COX16: variants seen among roughly 807,000 people sequenced by gnomAD.
The protein encoded by COX16 is cytochrome c oxidase assembly protein COX16 homolog, mitochondrial.
Under a neutral mutation model 15.4 loss-of-function variants are expected in COX16, and 12 were observed. The ratio of observed to expected loss-of-function variants is 0.78; its 90% CI spans 0.50 to 1.26. COX16 has a LOEUF of 1.26. COX16 is among the 50% of genes most tolerant of loss of function. The probability of loss-of-function intolerance (pLI) is 0.00; values close to 1 mark genes in which losing one functional copy is unlikely to be tolerated. For synonymous variants in COX16, 46 were observed against 41.1 expected (o/e 1.12, Z -0.46); for missense variants, 124 against 127.6 (o/e 0.97, Z 0.14).
intron 2 of COX16, among the ~76,000 whole-genome samples, chr14:70,334,130 A>C (rs1886372793): frequency 2.0e-5 from 3 of 152,224 alleles, no homozygotes; most frequent in Admixed American, 2.0e-4. Flanking sequence ...TGATATACTA[A>C]TACTGCAATC....
chr14:70,341,907 A>C (rs1886634604), intron 2 of COX16, among the ~76,000 whole-genome samples: 1 of 152,176 alleles, frequency 6.6e-6, no homozygotes, highest in Admixed American at 6.5e-5. Flanking sequence ...TACAAAGTAG[A>C]TACTATAAAT....
chr14:70,341,468 T>C (rs1886621780), intron 2 of COX16, among the ~76,000 whole-genome samples: 1 of 152,196 alleles, frequency 6.6e-6, no homozygotes, highest in African/African-American at 2.4e-5. Context: ...ATATCAGATA[T>C]GTGCCATAAA....
At chr14:70,331,900 A>G (rs1460169751) in intron 2 of COX16, among the ~76,000 whole-genome samples, 1 of 152,200 alleles carries the variant, frequency 6.6e-6, no homozygotes, top group Non-Finnish European at 1.5e-5. Context: ...ATCCACAGTA[A>G]AAAGTCTTGC....
intron 2 of COX16, among the ~76,000 whole-genome samples, chr14:70,340,845 C>T (rs1273897457): frequency 6.6e-6 from 1 of 152,186 alleles, no homozygotes; most frequent in Non-Finnish European, 1.5e-5. Context: ...AGGCTAATGC[C>T]TTTAGAAAAC....
intron 1 of COX16, among the ~76,000 whole-genome samples, chr14:70,354,955 C>G (rs769367944): frequency 6.6e-6 from 1 of 152,064 alleles, no homozygotes; most frequent in Non-Finnish European, 1.5e-5. Context: ...CTTCTCTTAT[C>G]TACTGAAGGA....
intron 2 of COX16, among the ~76,000 whole-genome samples, chr14:70,332,349 C>A (rs1448376223): frequency 6.6e-6 from 1 of 152,208 alleles, no homozygotes; most frequent in African/African-American, 2.4e-5. Context: ...CACAGCAGAT[C>A]CTGAGGGGGC....
chr14:70,348,197 G>A (rs989985768), intron 1 of COX16, among the ~76,000 whole-genome samples: 2 of 152,128 alleles, frequency 1.3e-5, no homozygotes, highest in Admixed American at 1.3e-4. Context: ...CTTCATCCTT[G>A]AAAGCCTAAA....
At chr14:70,344,299 G>A (rs527284405) in intron 1 of COX16, among the ~76,000 whole-genome samples, 3,461 of 152,322 alleles carry the variant, frequency 0.023, 117 homozygotes, top group African/African-American at 0.078. Context: ...CTGGTCCCCA[G>A]GCAAGAAGGG....
At chr14:70,335,275 G>T (rs535147921) in intron 2 of COX16, among the ~76,000 whole-genome samples, 1 of 152,198 alleles carries the variant, frequency 6.6e-6, no homozygotes, top group East Asian at 1.9e-4. Context: ...ACCTACTTTT[G>T]GCAATGGACA....
intron 3 of COX16, among the ~76,000 whole-genome samples, 183 bp from the exon 4 acceptor site, chr14:70,326,632 A>AT (rs1886086894): frequency 6.6e-6 from 1 of 151,970 alleles, no homozygotes; most frequent in Non-Finnish European, 1.5e-5. Flanking sequence ...AGAACTTTTC[A>AT]TTTGTTACTG....
intron 2 of COX16, among the ~76,000 whole-genome samples, chr14:70,333,170 T>G (rs1240463180): frequency 6.6e-6 from 1 of 152,224 alleles, no homozygotes; most frequent in Non-Finnish European, 1.5e-5. Context: ...GTGCACAAAC[T>G]GTCACATTTC....
At chr14:70,343,541 T>C (rs751480460) in intron 1 of COX16, among the ~76,000 whole-genome samples, 42 of 152,336 alleles carry the variant, frequency 2.8e-4, no homozygotes, top group Admixed American at 6.5e-4. Flanking sequence ...CTCATTACCT[T>C]ACCAAGTGAT....
In COX16 at chr14:70,357,285, C is replaced by A. The variant is rs180919298; in HGVS notation, c.69+2234G>T. On this transcript the variant is annotated intron_variant, in intron 1 of 3. Transcript: ENST00000389912. ...GGACTCTGAAAAGCTCAAATATATT[C>A]CTGAGAATTTAGAAAGTCATGCAAA... is the stretch of plus-strand genomic sequence containing the variant. Among the ~76,000 whole-genome samples, 253 of 151,270 alleles carry A rather than the reference C, an allele frequency of 1.7e-3. 2 individuals are homozygous for A. Among genetic ancestry groups the A allele is most frequent in the Admixed American group, 0.015 (234 of 15,174 alleles).
rs1437189802 is a variant in COX16 at position 70,351,016 on chromosome 14, A to G, written c.70-8287T>C. 2.0e-5 allele frequency among the ~76,000 whole-genome samples: 3 copies of G among 152,378 alleles called. No homozygotes were observed. The East Asian group carries it at 5.8e-4, about 29-fold the overall frequency. On this transcript the variant is annotated intron_variant, in intron 1 of 3. Coordinates refer to ENST00000389912, the MANE Select transcript of COX16 (RefSeq NM_016468.7). ...GACATACCTGACATTTTGCTGATTT[A>G]ACAAAAGAAGAAAATAATATTTTCA...
At chr14:70,333,483 CAG>C (rs1490673245) in intron 2 of COX16, among the ~76,000 whole-genome samples, 1 of 151,946 alleles carries the variant, frequency 6.6e-6, no homozygotes, top group African/African-American at 2.4e-5. Flanking sequence ...ATTCAGCAAA[CAG>C]ATGAAAGATC....
intron 2 of COX16, among the ~76,000 whole-genome samples, chr14:70,336,387 T>C (rs1021585535): frequency 6.6e-6 from 1 of 152,200 alleles, no homozygotes; most frequent in Non-Finnish European, 1.5e-5. Flanking sequence ...TGCTTAACAA[T>C]TTTTACTTTT....
chr14:70,345,590 A>C (rs1046954874), intron 1 of COX16, among the ~76,000 whole-genome samples: 4 of 152,130 alleles, frequency 2.6e-5, no homozygotes, highest in Non-Finnish European at 5.9e-5. Flanking sequence ...CCACAGTACA[A>C]ATTAAATAAT....
intron 1 of COX16, among the ~76,000 whole-genome samples, chr14:70,343,433 T>C (rs923092272): frequency 1.3e-5 from 2 of 152,234 alleles, no homozygotes; most frequent in African/African-American, 4.8e-5. Context: ...CGTACTATGA[T>C]TACACAAGGT....
chr14:70,359,536 A>G lies in COX16; in HGVS notation c.52T>C (p.Tyr18His). 6.2e-7 allele frequency: 1 copy of G among 1,614,060 alleles called. No individual in the cohort carries two copies. Among genetic ancestry groups the G allele is most frequent in the Non-Finnish European group, 8.5e-7 (1 of 1,179,928 alleles). The change falls in exon 1 of 4, where the codon TAT becomes CAT. Residue 18 changes from tyrosine to histidine, a missense_variant. Transcript: ENST00000389912. ...RAFRKNKTLG[Y>H]GVPMLLLIVG... ...CCACTCACCAACATGGGGACTCCAT[A>G]GCCGAGAGTCTTGTTCTTGCGAAAA...
Sources: gnomAD v4.1 joint callset for allele counts (sites outside exome capture counted in the v4.1 genomes callset) on GRCh38, gnomAD v4.1.1 for gene constraint, MANE v1.5 for transcripts, NCBI Gene and HGNC (gene_info 2026-07-23, HGNC 2026-07-21) for gene names.